ZFHX3: variants seen among roughly 807,000 people sequenced by gnomAD.
ZFHX3 encodes zinc finger homeobox 3.
In ZFHX3, 42 loss-of-function variants were observed where a neutral mutation model predicts 279.1. The observed-to-expected ratio is 0.15, with a 90% CI of 0.12 to 0.19. The LOEUF (loss-of-function observed/expected upper bound fraction) is 0.19, where lower values mean the gene tolerates loss of function less well. Ranked by LOEUF, ZFHX3 falls within the 10% of genes least tolerant of loss-of-function variation. The pLI is 1.00. For missense variants in ZFHX3, 4,981 were observed against 4,754.0 expected (o/e 1.05, Z -1.40); for synonymous variants, 2,293 against 1,957.8 (o/e 1.17, Z -4.52).
chr16:73,751,537 G>A (rs750661518), intron 1 of ZFHX3, among the ~76,000 whole-genome samples: 29 of 151,972 alleles, frequency 1.9e-4, no homozygotes, highest in Non-Finnish European at 4.0e-4. Flanking sequence ...ATGTGTGTGT[G>A]TGTATATATG....
chr16:73,372,122 T>A (rs1249393743), intron 3 of ZFHX3, among the ~76,000 whole-genome samples: 1 of 152,230 alleles, frequency 6.6e-6, no homozygotes, highest in Non-Finnish European at 1.5e-5. Context: ...GACTTTTTCA[T>A]TTTCTGCAGG....
At chr16:73,374,154 CG>C (rs2016681533) in intron 3 of ZFHX3, among the ~76,000 whole-genome samples, 1 of 152,094 alleles carries the variant, frequency 6.6e-6, no homozygotes, top group African/African-American at 2.4e-5. Flanking sequence ...ACAGGAAAAA[CG>C]TGAAGCAAAA....
Position 73,405,115 on chromosome 16 carries a change from T to C in ZFHX3, c.-1291+50888A>G, listed in dbSNP as rs995164665. 3.3e-5 allele frequency among the ~76,000 whole-genome samples: 5 copies of C among 152,174 alleles called. No individual in the cohort carries two copies. The South Asian group carries it at 1.0e-3, about 32-fold the overall frequency. ...CCTCTAGATAACTCAGGAAGGAAAC[T>C]TTTAATCCTCATCATTACAACCATC... On this transcript the variant is annotated intron_variant, in intron 3 of 17. Transcript: ENST00000641206.
At chr16:73,320,012 A>T (rs1311097350) in intron 3 of ZFHX3, among the ~76,000 whole-genome samples, 1 of 152,190 alleles carries the variant, frequency 6.6e-6, no homozygotes, top group Non-Finnish European at 1.5e-5. Context: ...GCGAGTCTTT[A>T]TCTCCAGAGA....
intron 2 of ZFHX3, among the ~76,000 whole-genome samples, chr16:73,652,495 G>T (rs2052681500): frequency 6.6e-6 from 1 of 152,188 alleles, no homozygotes; most frequent in South Asian, 2.1e-4. Context: ...AAGGCAGAAG[G>T]AATCCCAAGA....
chr16:73,792,857 C>CCA (rs944207661), intron 1 of ZFHX3, among the ~76,000 whole-genome samples: 3 of 46,074 alleles, frequency 6.5e-5, no homozygotes, highest in African/African-American at 1.9e-4. Flanking sequence ...ATACAGTGCA[C>CCA]CCCCCCCCTC....
chr16:72,883,724 G>C (rs928758427), intron 4 of ZFHX3, among the ~76,000 whole-genome samples: 3 of 152,148 alleles, frequency 2.0e-5, no homozygotes, highest in African/African-American at 4.8e-5. Flanking sequence ...CTTCATCAGG[G>C]AATGTCCTTT....
chr16:73,393,488 T>G (rs528308575), intron 3 of ZFHX3, among the ~76,000 whole-genome samples: 1 of 152,282 alleles, frequency 6.6e-6, no homozygotes, highest in Admixed American at 6.5e-5. Flanking sequence ...GAGATCAAAA[T>G]TATGAACTCA....
intron 4 of ZFHX3, among the ~76,000 whole-genome samples, chr16:73,266,670 G>A (rs2013985218): frequency 6.6e-6 from 1 of 152,204 alleles, no homozygotes; most frequent in African/African-American, 2.4e-5. Context: ...ACATGTCATA[G>A]GAGGGAACTG....
chr16:73,888,015 T>A (rs950237548), intron 1 of ZFHX3, among the ~76,000 whole-genome samples: 1 of 152,144 alleles, frequency 6.6e-6, no homozygotes, highest in Non-Finnish European at 1.5e-5. Flanking sequence ...AGCAGCAAGA[T>A]AAAAACAGCT....
intron 2 of ZFHX3, among the ~76,000 whole-genome samples, chr16:73,575,884 C>T (rs1451990274): frequency 2.0e-5 from 3 of 152,170 alleles, no homozygotes; most frequent in East Asian, 3.9e-4. Flanking sequence ...GTTCACACCG[C>T]GATGATTGTG....
chr16:72,843,307 G>A (rs1567543621), intron 4 of ZFHX3, among the ~76,000 whole-genome samples: 3 of 151,960 alleles, frequency 2.0e-5, no homozygotes, highest in Non-Finnish European at 1.5e-5. Context: ...TCAGGAGATC[G>A]AGACCATCCT....
At chr16:73,267,281 T>G (rs2014003795) in intron 4 of ZFHX3, among the ~76,000 whole-genome samples, 1 of 152,024 alleles carries the variant, frequency 6.6e-6, no homozygotes, top group Non-Finnish European at 1.5e-5. Context: ...CTTTGTAACT[T>G]CATCTTGGGT....
chr16:73,856,423 ACC>A (rs1456028450), intron 1 of ZFHX3, among the ~76,000 whole-genome samples: 1 of 151,860 alleles, frequency 6.6e-6, no homozygotes, highest in Non-Finnish European at 1.5e-5. Flanking sequence ...ACTCCCCCCA[ACC>A]CCCACCCCTT....
chr16:73,345,910 T>A (rs1365276628), intron 3 of ZFHX3, among the ~76,000 whole-genome samples: 1 of 152,142 alleles, frequency 6.6e-6, no homozygotes, highest in African/African-American at 2.4e-5. Flanking sequence ...GACTCAGCTG[T>A]GGCCAGAATT....
chr16:73,445,282 GTATATATATATGTATATGTA>G (rs1567486444), intron 3 of ZFHX3, among the ~76,000 whole-genome samples: 17 of 151,146 alleles, frequency 1.1e-4, no homozygotes, highest in African/African-American at 3.7e-4. Flanking sequence ...ATATATGTGT[GTATATATATATGTATATGTA>G]TGTGTGTGTG....
At chr16:73,388,591 C>A (rs1026868650) in intron 3 of ZFHX3, among the ~76,000 whole-genome samples, 6 of 152,154 alleles carry the variant, frequency 3.9e-5, no homozygotes, top group African/African-American at 1.4e-4. Context: ...CTAAGCCAAC[C>A]TGCCAGGCAG....
chr16:73,620,841 G>T (rs942059687), intron 2 of ZFHX3, among the ~76,000 whole-genome samples: 5 of 152,210 alleles, frequency 3.3e-5, no homozygotes, highest in African/African-American at 1.2e-4. Flanking sequence ...GTTAGTAGAT[G>T]CACGAGAGAT....
At chr16:73,717,895 G>A (rs2053431871) in intron 1 of ZFHX3, among the ~76,000 whole-genome samples, 1 of 152,170 alleles carries the variant, frequency 6.6e-6, no homozygotes. Context: ...CCAGCCTGTG[G>A]CTCTGGTGTA....
Sources: allele counts gnomAD v4.1 joint callset (sites outside exome capture counted in the v4.1 genomes callset), GRCh38; gene constraint gnomAD v4.1.1; transcripts MANE v1.5; gene names NCBI Gene and HGNC (gene_info 2026-07-23, HGNC 2026-07-21).